The following KIRREL3 variants were observed in gnomAD, a reference collection of about 807,000 sequenced individuals.
KIRREL3 encodes kin of IRRE-like protein 3.
Under a neutral mutation model 89.7 loss-of-function variants are expected in KIRREL3, and 36 were observed. The ratio of observed to expected loss-of-function variants is 0.40; its 90% CI spans 0.31 to 0.53. The LOEUF (loss-of-function observed/expected upper bound fraction) is 0.53, where lower values mean the gene tolerates loss of function less well. Among genes scored for constraint, KIRREL3 ranks in the 20% least tolerant of loss-of-function variants. The pLI is 0.49. For synonymous variants in KIRREL3, 445 were observed against 441.4 expected, an observed-to-expected ratio of 1.01 and a Z score of -0.10; for missense variants, 864 against 1,056.6, an observed-to-expected ratio of 0.82 and a Z score of 2.53.
chr11:126,853,380 A>T (rs1401344352), intron 1 of KIRREL3, among the ~76,000 whole-genome samples: 1 of 152,222 alleles, frequency 6.6e-6, no homozygotes, highest in African/African-American at 2.4e-5. Context: ...TTGAATCTCT[A>T]ATATGAGACT....
At chr11:126,595,901 G>A (rs546307079) in intron 1 of KIRREL3, among the ~76,000 whole-genome samples, 4 of 152,192 alleles carry the variant, frequency 2.6e-5, no homozygotes, top group Non-Finnish European at 4.4e-5. Context: ...GCTTTCTTTG[G>A]TGTGTGTCTA....
At chr11:126,868,289 AC>A (rs869104381) in intron 1 of KIRREL3, among the ~76,000 whole-genome samples, 6 of 102 alleles carry the variant, frequency 0.059, no homozygotes, top group East Asian at 0.5. Context: ...GCAGCCCTTG[AC>A]TGAGGGCTTG....
At chr11:126,815,743 G>C (rs1223182667) in intron 1 of KIRREL3, among the ~76,000 whole-genome samples, 20 of 152,236 alleles carry the variant, frequency 1.3e-4, no homozygotes, top group Admixed American at 1.2e-3. Flanking sequence ...CACTGTGTTA[G>C]TCAGGACGGT....
At position 126,477,831 on chromosome 11, in the gene KIRREL3, G is replaced by C. The variant is rs540905340; in HGVS notation, c.434-4365C>G. Among the ~76,000 whole-genome samples, 6 of 152,230 alleles carry C rather than the reference G, an allele frequency of 3.9e-5. No individual in the cohort carries two copies. The highest frequency in any genetic ancestry group is 8.8e-5 in the Non-Finnish European group (6 of 68,004). Reference sequence around the variant, plus strand: ...GCTGATCGGTGGCAGCTGGAGGGGTGGGGGACCAGCAGCACCACCCTCCTG... The same window carrying C: ...GCTGATCGGTGGCAGCTGGAGGGGTCGGGGACCAGCAGCACCACCCTCCTG... On this transcript the variant is annotated intron_variant, in intron 4 of 16. Transcript: ENST00000525144. This position sits in a 1 kb window ranked among gnomAD's most constrained non-coding sequence, Gnocchi z 4.8.
rs1956467856 is a variant in KIRREL3 at position 126,459,139 on chromosome 11, A to AC, written c.743-2686dup. Among the ~76,000 whole-genome samples, 1 of 151,850 alleles carries AC rather than the reference A, an allele frequency of 6.6e-6. No individual in the cohort carries two copies. The highest frequency in any genetic ancestry group is 2.4e-5 in the African/African-American group (1 of 41,336). ...GGCCAACGCTGGGACGTGAGTACCCACCCCAAGTCTGGTTTGAGGAGGTGA... is the reference window on the plus strand; with the variant it reads ...GGCCAACGCTGGGACGTGAGTACCCACCCCCAAGTCTGGTTTGAGGAGGTGA... On this transcript the variant is annotated intron_variant, in intron 6 of 16. Transcript: ENST00000525144. The surrounding 1 kb of genome is among the most constrained non-coding windows in gnomAD (Gnocchi z 4.8).
chr11:126,841,666 T>C (rs1020109527), intron 1 of KIRREL3, among the ~76,000 whole-genome samples: 1 of 152,218 alleles, frequency 6.6e-6, no homozygotes, highest in African/African-American at 2.4e-5. Context: ...GAAAGAAAGT[T>C]ATATCCATTA....
At position 126,724,797 on chromosome 11, in the gene KIRREL3, A is replaced by G. The variant is rs961876454; in HGVS notation, c.56-161885T>C. Among the ~76,000 whole-genome samples the G allele has an allele frequency of 1.3e-5, 2 of 152,198 alleles. No homozygotes were observed. The highest frequency in any genetic ancestry group is 6.5e-5 in the Admixed American group (1 of 15,284). On this transcript the variant is annotated intron_variant, in intron 1 of 16. Transcript: ENST00000525144. This position sits in a 1 kb window ranked among gnomAD's most constrained non-coding sequence, Gnocchi z 4.3. ...AGAGTCAGGATTATTAGACCTGCCT[A>G]TGGGCCAAGGGTTCTTACTAATAGA... is the stretch of plus-strand genomic sequence containing the variant.
intron 1 of KIRREL3, among the ~76,000 whole-genome samples, chr11:126,984,506 C>A (rs79518046): frequency 2.0e-5 from 3 of 152,124 alleles, no homozygotes; most frequent in Non-Finnish European, 2.9e-5. Flanking sequence ...TAAAAGGTTG[C>A]CCTGGGAAAA....
Position 126,427,911 on chromosome 11 carries a change from A to G in KIRREL3, c.1806+1268T>C, listed in dbSNP as rs968001611. ...AGTGATGGTGGAGGACAGGTGGGGC[A>G]CACATTTGAGACACTTTTTGAAGTG... On this transcript the variant is annotated intron_variant, in intron 15 of 16. Transcript: ENST00000525144. This position sits in a 1 kb window ranked among gnomAD's most constrained non-coding sequence, Gnocchi z 5.3. Among the ~76,000 whole-genome samples, 5 of 152,350 alleles carry G rather than the reference A, an allele frequency of 3.3e-5. No individual in the cohort carries two copies. The highest frequency in any genetic ancestry group is 5.9e-5 in the Non-Finnish European group (4 of 68,034).
rs1944547910 is a variant in KIRREL3 at position 126,643,426 on chromosome 11, T to C, written c.56-80514A>G. Among the ~76,000 whole-genome samples, 1 of 152,088 alleles carries C rather than the reference T, an allele frequency of 6.6e-6. No individual in the cohort carries two copies. The highest frequency in any genetic ancestry group is 1.5e-5 in the Non-Finnish European group (1 of 68,022). ...TGGTCTTGAAGAGGATTTTAACACA[T>C]GCAGATGGAAGCTATTTCAGACAGA... On this transcript the variant is annotated intron_variant, in intron 1 of 16. Transcript: ENST00000525144. The surrounding 1 kb of genome is among the most constrained non-coding windows in gnomAD (Gnocchi z 4.5).
At chr11:126,781,210 C>T (rs1212844151) in intron 1 of KIRREL3, among the ~76,000 whole-genome samples, 1 of 152,138 alleles carries the variant, frequency 6.6e-6, no homozygotes, top group Non-Finnish European at 1.5e-5. Context: ...ATGTTGGACA[C>T]ATAATTTAAT....
At position 126,431,298 on chromosome 11, in the gene KIRREL3, A is replaced by T; in HGVS notation, c.1696+121T>A. 1 of 1,551,710 alleles carries T rather than the reference A, an allele frequency of 6.4e-7. No homozygotes were observed. Among genetic ancestry groups the T allele is most frequent in the African/African-American group, 1.4e-5 (1 of 73,218 alleles). ...CATCAGACCCACTCCCTGCCCCAGG[A>T]GCTCACAGCACTGTTAGGACCCCTG... On this transcript the variant is annotated intron_variant, in intron 14 of 16. Coordinates refer to ENST00000525144, the MANE Select transcript of KIRREL3 (RefSeq NM_032531.4). The surrounding 1 kb of genome is among the most constrained non-coding windows in gnomAD (Gnocchi z 7.1).
At position 126,996,031 on chromosome 11, in the gene KIRREL3, C is replaced by T. The variant is rs148544073; in HGVS notation, c.55+4424G>A. Reference sequence around the variant, plus strand: ...ATGTGAAGGCCTTGACCCCACCCCACTCGTCCTCCCCCTAGGGACTTTCTT... The same window carrying T: ...ATGTGAAGGCCTTGACCCCACCCCATTCGTCCTCCCCCTAGGGACTTTCTT... On this transcript the variant is annotated intron_variant, in intron 1 of 16. Coordinates refer to ENST00000525144, the MANE Select transcript of KIRREL3 (RefSeq NM_032531.4). The surrounding 1 kb of genome is among the most constrained non-coding windows in gnomAD (Gnocchi z 4.7). 2.7e-4 allele frequency among the ~76,000 whole-genome samples: 41 copies of T among 152,306 alleles called. No homozygotes were observed. The highest frequency in any genetic ancestry group is 9.9e-4 in the African/African-American group (41 of 41,564).
chr11:126,979,680 A>T (rs480493), intron 1 of KIRREL3, among the ~76,000 whole-genome samples: 21,885 of 152,196 alleles, frequency 0.14, 1,879 homozygotes, highest in Middle Eastern at 0.21. Context: ...TTTCCTCGTC[A>T]GCAAAATAGA....
intron 1 of KIRREL3, among the ~76,000 whole-genome samples, chr11:126,923,139 T>TCTTCTTCTTCTA (rs1947444487): frequency 3.7e-5 from 1 of 26,938 alleles, no homozygotes; most frequent in African/African-American, 2.1e-4. Flanking sequence ...CTCTTCTTCT[T>TCTTCTTCTTCTA]CTTCTTCTTC....
intron 1 of KIRREL3, among the ~76,000 whole-genome samples, chr11:126,674,509 C>A (rs189210792): frequency 6.6e-6 from 1 of 152,298 alleles, no homozygotes; most frequent in African/African-American, 2.4e-5. Flanking sequence ...AACAGCCTGC[C>A]CAGCTACTCT....
In KIRREL3 at chr11:126,923,319, CCTT is replaced by C. The variant is rs779408551; in HGVS notation, c.55+77133_55+77135del. Among the ~76,000 whole-genome samples the C allele has an allele frequency of 8.0e-5, 11 of 136,742 alleles. No individual in the cohort carries two copies. In the East Asian group the frequency reaches 9.0e-4, roughly 11 times the overall value. The allele number at this position is 136,742 out of a possible 152,430, so 89.7% of individuals were successfully genotyped here. On this transcript the variant is annotated intron_variant, in intron 1 of 16. Transcript: ENST00000525144. The stretch of plus-strand genomic sequence containing the variant: ...CTTCTTCCTTCTCCTTCTCCTTCTT[CCTT>C]CTTCTTCTTCCTTCTCCTTCTCCTT...
chr11:126,632,321 T>G (rs1405300280), intron 1 of KIRREL3, among the ~76,000 whole-genome samples: 20 of 152,304 alleles, frequency 1.3e-4, no homozygotes, highest in Non-Finnish European at 2.6e-4. Flanking sequence ...GGTGAGAAAT[T>G]TGTGTATGTC....
chr11:126,880,915 C>A (rs1945471404), intron 1 of KIRREL3, among the ~76,000 whole-genome samples: 1 of 152,188 alleles, frequency 6.6e-6, no homozygotes, highest in Non-Finnish European at 1.5e-5. Flanking sequence ...GTAAACTTTT[C>A]TTTGATGAAG....
Sources: gnomAD v4.1 joint callset for allele counts (sites outside exome capture counted in the v4.1 genomes callset) on GRCh38, gnomAD v4.1.1 for gene constraint, Gnocchi (gnomAD v3.1) non-coding constraint, MANE v1.5 for transcripts, NCBI Gene and HGNC (gene_info 2026-07-23, HGNC 2026-07-21) for gene names.